The following DPP6 variants were observed in gnomAD, a reference collection of about 807,000 sequenced individuals.
DPP6 encodes dipeptidyl peptidase like 6.
In DPP6, 69 loss-of-function variants were observed where a neutral mutation model predicts 122.6. The ratio of observed to expected loss-of-function variants is 0.56; its 90% CI spans 0.46 to 0.69. The LOEUF (loss-of-function observed/expected upper bound fraction) is 0.69. Ranked by LOEUF, DPP6 falls within the 30% of genes least tolerant of loss-of-function variation. The pLI, the probability that DPP6 is intolerant of heterozygous loss-of-function variation, is 0.00. For synonymous variants in DPP6, 418 were observed against 433.1 expected (o/e 0.97, Z 0.43); for missense variants, 928 against 1,116.9 (o/e 0.83, Z 2.41).
chr7:154,371,370 C>G (rs1812641989), intron 1 of DPP6, among the ~76,000 whole-genome samples: 1 of 60,772 alleles, frequency 1.6e-5, no homozygotes, highest in African/African-American at 6.3e-5. Context: ...CAGAGTGAAA[C>G]TCTGTCTCAA....
rs1457497016 is a variant in DPP6, at chr7:153,890,519, T to TA, written c.51+2789dup. 2.0e-5 allele frequency among the ~76,000 whole-genome samples: 3 copies of TA among 152,186 alleles called. 1 individual carries two copies. Among genetic ancestry groups the TA allele is most frequent in the Non-Finnish European group, 4.4e-5 (3 of 68,036 alleles). On this transcript the variant is annotated intron_variant, in intron 1 of 25. Transcript: ENST00000404039. ...TTGCTTAGTTGAAAGTATGTTCTTA[T>TA]AAAATCTTTAAAAAATGTTTTATTC...
chr7:153,841,947 C>A, the DPP6 span, among the ~76,000 whole-genome samples: 1 of 152,126 alleles, frequency 6.6e-6, no homozygotes, highest in Non-Finnish European at 1.5e-5. Context: ...TAACTAAATT[C>A]TTCTATATGA....
chr7:154,737,278 G>A (rs1374674163), intron 8 of DPP6, among the ~76,000 whole-genome samples: 1 of 152,152 alleles, frequency 6.6e-6, no homozygotes, highest in Non-Finnish European at 1.5e-5. Flanking sequence ...GAACCCCACT[G>A]CACCCACCCT....
chr7:153,980,664 G>C (rs569960005), intron 1 of DPP6, among the ~76,000 whole-genome samples: 1 of 152,234 alleles, frequency 6.6e-6, no homozygotes, highest in South Asian at 2.1e-4. Flanking sequence ...GACCTTTCTT[G>C]CTTTCTCATG....
intron 21 of DPP6, chr7:154,884,246 C>G (rs1428908517): frequency 7.0e-6 from 1 of 142,784 alleles, no homozygotes; most frequent in Admixed American, 6.9e-5. Context: ...CACATGCTCA[C>G]AAATTACATA....
intron 2 of DPP6, among the ~76,000 whole-genome samples, chr7:154,452,856 A>T (rs1820505299): frequency 6.6e-6 from 1 of 152,254 alleles, no homozygotes; most frequent in African/African-American, 2.4e-5. Context: ...AAATCAAATT[A>T]AAAGTGTTCA....
intron 7 of DPP6, among the ~76,000 whole-genome samples, chr7:154,722,350 G>A (rs1259348448): frequency 6.6e-6 from 1 of 152,230 alleles, no homozygotes; most frequent in East Asian, 1.9e-4. Context: ...GTAGTCTGGA[G>A]CACACTGAGC....
chr7:153,916,671 T>C (rs1265120845), intron 1 of DPP6, among the ~76,000 whole-genome samples: 2 of 152,050 alleles, frequency 1.3e-5, no homozygotes, highest in African/African-American at 2.4e-5. Context: ...CCTCCCAAAG[T>C]GCTGGGATTA....
At chr7:153,880,275 T>C in the DPP6 span, among the ~76,000 whole-genome samples, 2 of 152,232 alleles carry the variant, frequency 1.3e-5, no homozygotes, top group African/African-American at 4.8e-5. Flanking sequence ...CTACAAGAAC[T>C]CTAAAATATA....
intron 1 of DPP6, among the ~76,000 whole-genome samples, chr7:154,404,147 C>G (rs1264001701): frequency 2.6e-5 from 4 of 152,180 alleles, no homozygotes; most frequent in African/African-American, 9.7e-5. Flanking sequence ...ACCACTCTCA[C>G]TGGACTCCAG....
At chr7:154,503,531 T>C (rs1314876812) in intron 3 of DPP6, among the ~76,000 whole-genome samples, 1 of 152,208 alleles carries the variant, frequency 6.6e-6, no homozygotes, top group African/African-American at 2.4e-5. Flanking sequence ...ATAAATGACA[T>C]TAAAGAATAC....
intron 5 of DPP6, among the ~76,000 whole-genome samples, chr7:154,630,141 T>C (rs1019873541): frequency 3.3e-5 from 5 of 152,244 alleles, no homozygotes; most frequent in African/African-American, 1.2e-4. Context: ...AGATGACCTC[T>C]GCGCCTTACT....
chr7:154,056,584 C>T lies in DPP6; in HGVS notation c.243+3521C>T, dbSNP rs571762869. 1.5e-3 allele frequency among the ~76,000 whole-genome samples: 234 copies of T among 152,206 alleles called. 1 individual carries two copies. The highest frequency in any genetic ancestry group is 5.5e-3 in the African/African-American group (228 of 41,520). On this transcript the variant is annotated intron_variant, in intron 1 of 25. Transcript: ENST00000377770. ...CCTGTATCCTTCATTTTCAGTGACA[C>T]GTGGCTTCTTAGCAATACAAATGTG... is the stretch of plus-strand genomic sequence containing the variant.
intron 1 of DPP6, among the ~76,000 whole-genome samples, chr7:154,226,372 G>A (rs936003137): frequency 1.3e-5 from 2 of 152,140 alleles, no homozygotes; most frequent in African/African-American, 4.8e-5. Flanking sequence ...TAAACAGCAG[G>A]GTTCCTGACC....
chr7:154,859,418 C>T (rs535531039), intron 17 of DPP6, among the ~76,000 whole-genome samples: 1 of 152,312 alleles, frequency 6.6e-6, no homozygotes, highest in South Asian at 2.1e-4. Context: ...AGGGCAGAGC[C>T]TCGGCACTGT....
At chr7:154,580,150 T>TACAC (rs35398601) in intron 5 of DPP6, among the ~76,000 whole-genome samples, 6,273 of 138,866 alleles carry the variant, frequency 0.045, 350 homozygotes, top group African/African-American at 0.13. Context: ...CTCTCCCCCT[T>TACAC]ACACACACAC....
chr7:154,646,159 C>T (rs573233365), intron 6 of DPP6, among the ~76,000 whole-genome samples: 16 of 151,650 alleles, frequency 1.1e-4, no homozygotes, highest in African/African-American at 3.6e-4. Context: ...AAATAAATCT[C>T]ATACTCACTG....
At chr7:154,461,877 T>A (rs2151318678) in intron 2 of DPP6, among the ~76,000 whole-genome samples, 1 of 152,290 alleles carries the variant, frequency 6.6e-6, no homozygotes, top group Non-Finnish European at 1.5e-5. Context: ...TGATTCCAAT[T>A]GTCCATTTTT....
At chr7:154,850,005 A>G (rs753747141) in intron 16 of DPP6, among the ~76,000 whole-genome samples, 1 of 152,220 alleles carries the variant, frequency 6.6e-6, no homozygotes, top group Non-Finnish European at 1.5e-5. Flanking sequence ...CCACAGCTGA[A>G]TCCCACTTGT....
Sources: allele counts gnomAD v4.1 joint callset (sites outside exome capture counted in the v4.1 genomes callset), GRCh38; gene constraint gnomAD v4.1.1; transcripts MANE v1.5; gene names NCBI Gene and HGNC (gene_info 2026-07-23, HGNC 2026-07-21).